Variants in UBR2 observed in about 807,000 individuals in gnomAD.
UBR2 encodes the protein E3 ubiquitin-protein ligase UBR2.
UBR2 carries 92 observed loss-of-function variants against 247.9 expected under a neutral mutation model. The observed-to-expected ratio is 0.37, with a 90% CI of 0.31 to 0.44. The LOEUF is 0.44. Ranked by LOEUF, UBR2 falls within the 20% of genes least tolerant of loss-of-function variation. UBR2 has a pLI of 1.00. For missense variants in UBR2, 1,613 were observed against 2,112.6 expected (o/e 0.76, Z 4.64); for synonymous variants, 672 against 693.5 (o/e 0.97, Z 0.49).
chr6:42,573,827 C>G lies in UBR2; in HGVS notation c.172C>G (p.Pro58Ala), dbSNP rs1791322937. ...KIYCRGPNPF[P>A]QKEDMLAQHV... ...CTACTGCAGGGGTCCCAACCCTTTT[C>G]CACAGAAAGAAGACATGCTGGCACA... The change falls in exon 2 of 47, where the codon CCA (proline) becomes GCA (alanine). Residue 58 changes from proline to alanine, a missense_variant. Pro to Ala is a conservative substitution (Grantham distance 27, BLOSUM62 -1). Around this residue, in one of 3 missense-constraint regions of UBR2, gnomAD observed 1,524 missense variants for 1,967.3 expected, o/e 0.77. Transcript: ENST00000372901. 6.2e-7 allele frequency: 1 copy of G among 1,613,750 alleles called. No individual in the cohort carries two copies. The highest frequency in any genetic ancestry group is 8.5e-7 in the Non-Finnish European group (1 of 1,179,910).
At chr6:42,662,729 A>G (rs1019128128) in intron 31 of UBR2, among the ~76,000 whole-genome samples, 20 of 152,176 alleles carry the variant, frequency 1.3e-4, no homozygotes, top group Non-Finnish European at 2.9e-5. Flanking sequence ...CTTCTACAAA[A>G]CCAACAAATC....
In UBR2 at chr6:42,665,417, A is replaced by C. The variant is rs746811091; in HGVS notation, c.3707A>C (p.Asn1236Thr). 4 of 1,611,356 alleles carry C rather than the reference A, an allele frequency of 2.5e-6. No individual in the cohort carries two copies. Among genetic ancestry groups the C allele is most frequent in the Non-Finnish European group, 3.4e-6 (4 of 1,178,498 alleles). The change falls in exon 33 of 47, where the codon AAT (asparagine) becomes ACT (threonine). Residue 1236 changes from asparagine (N) to threonine (T), a missense_variant. By Grantham distance (65) the Asn-to-Thr change is moderately conservative. Coordinates refer to ENST00000372901, the MANE Select transcript of UBR2 (RefSeq NM_001363705.2). ...TCTATAATCTTTTCTAGCAGGTTAA[A>C]TTTTTCAGACCAACCAAATCTGACT... is the stretch of plus-strand genomic sequence containing the variant. Reference protein sequence around the residue: ...PPRNIFNNRLNFSDQPNLTQW... With the variant: ...PPRNIFNNRLTFSDQPNLTQW...
In UBR2 at chr6:42,686,371, T is replaced by C. The variant is rs375509648; in HGVS notation, c.4853+1500T>C. On this transcript the variant is annotated intron_variant, in intron 44 of 46. Coordinates refer to ENST00000372901, the MANE Select transcript of UBR2 (RefSeq NM_001363705.2). The stretch of plus-strand genomic sequence containing the variant: ...TTTAACCCTTAGTGGACACAGCACA[T>C]GTTTCAGAGAGCACGGGGTTGGGGG... Among the ~76,000 whole-genome samples the C allele has an allele frequency of 5.9e-5, 9 of 151,936 alleles. No individual in the cohort carries two copies. In the East Asian group the frequency reaches 9.7e-4, roughly 16 times the overall value.
intron 13 of UBR2, among the ~76,000 whole-genome samples, chr6:42,633,605 G>A (rs1039770614): frequency 1.3e-5 from 2 of 152,100 alleles, no homozygotes; most frequent in African/African-American, 4.8e-5. Context: ...TGTCCAGGCT[G>A]GTCTCGAACT....
intron 16 of UBR2, among the ~76,000 whole-genome samples, chr6:42,641,066 C>T (rs1033214438): frequency 6.6e-6 from 1 of 152,074 alleles, no homozygotes; most frequent in African/African-American, 2.4e-5. Flanking sequence ...GTAAAAAATA[C>T]CTTCATAGCA....
At chr6:42,570,453 G>A (rs990625081) in intron 1 of UBR2, among the ~76,000 whole-genome samples, 7 of 152,016 alleles carry the variant, frequency 4.6e-5, no homozygotes, top group African/African-American at 9.7e-5. Flanking sequence ...TGGTGGTCTC[G>A]AACTCCTGGC....
At chr6:42,627,050 A>G (rs1359589545) in intron 11 of UBR2, among the ~76,000 whole-genome samples, 2 of 152,084 alleles carry the variant, frequency 1.3e-5, no homozygotes, top group Non-Finnish European at 2.9e-5. Context: ...TGGGAGACCA[A>G]AGCTTTATTA....
At position 42,692,286 on chromosome 6, in the gene UBR2, C is replaced by T. The variant is rs925036262; in HGVS notation, c.*1113C>T. ...TGAAGAAGGTGAGAACCCACTCCCA[C>T]CCAGCCAGCATTTCCTGGAACAGAC... On this transcript the variant is annotated 3_prime_UTR_variant, in exon 47 of 47. Transcript: ENST00000372901. The T allele has an allele frequency of 1.4e-4, 21 of 152,198 alleles. No individual in the cohort carries two copies. The highest frequency in any genetic ancestry group is 4.3e-4 in the African/African-American group (18 of 41,436). 9.4% of individuals were successfully genotyped at this position (152,198 alleles called of 1,614,324 possible).
chr6:42,641,452 A>T, intron 16 of UBR2, 130 bp from the exon 17 acceptor site: 1 of 561,348 alleles, frequency 1.8e-6, no homozygotes, highest in East Asian at 4.2e-5. Flanking sequence ...TGTCTCAAAA[A>T]ATAATAATAA....
chr6:42,627,726 G>GGTCTTGAACTCCTGGGCTC (rs1187972276), intron 11 of UBR2, among the ~76,000 whole-genome samples: 1 of 151,808 alleles, frequency 6.6e-6, no homozygotes, highest in African/African-American at 2.4e-5. Context: ...TGCCTGGGCT[G>GGTCTTGAACTCCTGGGCTC]GTCTTGAACT....
intron 7 of UBR2, among the ~76,000 whole-genome samples, chr6:42,610,960 C>T (rs1295984499): frequency 6.6e-6 from 1 of 151,454 alleles, no homozygotes; most frequent in South Asian, 2.1e-4. Flanking sequence ...ATTCTCCTGC[C>T]TCAGCCTCCT....
Position 42,635,542 on chromosome 6 carries a change from C to T in UBR2, c.1670C>T (p.Ser557Leu). 6.2e-7 allele frequency: 1 copy of T among 1,604,154 alleles called. No individual in the cohort carries two copies. The highest frequency in any genetic ancestry group is 8.5e-7 in the Non-Finnish European group (1 of 1,172,160). ...VISMMQDWCA[S>L]DEKVLIEAYK... ...TCAATGATGCAGGACTGGTGTGCTT[C>T]AGATGTGAGTTTCTTCTGGGTGCGG... The change falls in exon 14 of 47, where the codon TCA becomes TTA. Residue 557 changes from serine to leucine, a missense_variant. Around this residue, in one of 3 missense-constraint regions of UBR2, gnomAD observed 1,524 missense variants for 1,967.3 expected, o/e 0.77. Transcript: ENST00000372901.
chr6:42,645,652 A>G, intron 21 of UBR2, 62 bp downstream of exon 21: 3 of 1,541,662 alleles, frequency 1.9e-6, no homozygotes, highest in East Asian at 4.5e-5. Context: ...TCAGTCTAGT[A>G]TCTATAGATT....
chr6:42,632,993 T>G, intron 13 of UBR2, 89 bp downstream of exon 13: 1 of 902,800 alleles, frequency 1.1e-6, no homozygotes. Context: ...CTTTTTCTTT[T>G]TAAGAGATGG....
At chr6:42,675,913 C>T (rs921331292) in intron 38 of UBR2, 143 bp from the exon 39 acceptor site, 58 of 1,111,780 alleles carry the variant, frequency 5.2e-5, no homozygotes, top group Non-Finnish European at 6.6e-5. Flanking sequence ...ACCGAGGTTG[C>T]GCCATTGCAC....
chr6:42,577,257 G>A (rs1338503650), intron 2 of UBR2, among the ~76,000 whole-genome samples: 1 of 152,160 alleles, frequency 6.6e-6, no homozygotes, highest in African/African-American at 2.4e-5. Context: ...CCATAATGCA[G>A]AAGGTTTCTT....
chr6:42,581,661 C>A (rs1301559936), intron 2 of UBR2, among the ~76,000 whole-genome samples: 1 of 152,160 alleles, frequency 6.6e-6, no homozygotes, highest in East Asian at 1.9e-4. Context: ...AATTGTAGTC[C>A]TTTTGTGCCT....
chr6:42,647,167 A>C (rs1433533202), intron 21 of UBR2, among the ~76,000 whole-genome samples: 1 of 152,182 alleles, frequency 6.6e-6, no homozygotes, highest in Non-Finnish European at 1.5e-5. Flanking sequence ...TAGTCAAGAT[A>C]AAAATTACTT....
intron 14 of UBR2, 65 bp from the exon 15 acceptor site, chr6:42,636,946 G>A: frequency 1.3e-6 from 2 of 1,522,150 alleles, no homozygotes; most frequent in Non-Finnish European, 1.8e-6. Context: ...TGAATTTAAG[G>A]TGCTTATTCA....
Sources: gnomAD v4.1 joint callset for allele counts (sites outside exome capture counted in the v4.1 genomes callset) on GRCh38, gnomAD v4.1.1 for gene constraint, gnomAD v4.1.1 regional missense constraint, MANE v1.5 for transcripts, NCBI Gene and HGNC (gene_info 2026-07-23, HGNC 2026-07-21) for gene names.